Variants in PSD3 observed in about 807,000 individuals in gnomAD.
PSD3 encodes the protein pleckstrin and Sec7 domain containing 3, also known as PH and SEC7 domain-containing protein 3.
Under a neutral mutation model 105.5 loss-of-function variants are expected in PSD3, and 49 were observed. The ratio of observed to expected loss-of-function variants is 0.46; its 90% CI spans 0.37 to 0.59. The LOEUF (loss-of-function observed/expected upper bound fraction) is 0.59. Among genes scored for constraint, PSD3 ranks in the 20% least tolerant of loss-of-function variants. The pLI is 0.00. For missense variants in PSD3, 1,561 were observed against 1,263.8 expected (o/e 1.24, Z -3.57); for synonymous variants, 557 against 457.8 (o/e 1.22, Z -2.77).
At chr8:18,839,322 CTA>C (rs1563331609) in intron 4 of PSD3, among the ~76,000 whole-genome samples, 2 of 152,120 alleles carry the variant, frequency 1.3e-5, no homozygotes, top group African/African-American at 4.8e-5. Flanking sequence ...CTGAATGTTT[CTA>C]TGTTTTTATA....
At chr8:18,727,255 T>C (rs569474243) in intron 9 of PSD3, among the ~76,000 whole-genome samples, 18 of 147,502 alleles carry the variant, frequency 1.2e-4, no homozygotes, top group Admixed American at 4.2e-4. Context: ...GAGAATCGAT[T>C]GAACCTGGGA....
chr8:18,619,395 A>T (rs1805942367), intron 11 of PSD3, among the ~76,000 whole-genome samples: 1 of 152,160 alleles, frequency 6.6e-6, no homozygotes, highest in South Asian at 2.1e-4. Context: ...CTGTAATCCC[A>T]GCATTTTGGG....
At chr8:18,639,658 C>A (rs1807501605) in intron 10 of PSD3, among the ~76,000 whole-genome samples, 1 of 152,030 alleles carries the variant, frequency 6.6e-6, no homozygotes, top group Non-Finnish European at 1.5e-5. Flanking sequence ...GAGGAGACTC[C>A]CGGTCATGGC....
intron 1 of PSD3, among the ~76,000 whole-genome samples, chr8:19,047,716 A>G (rs1306155916): frequency 2.6e-5 from 4 of 152,090 alleles, no homozygotes; most frequent in African/African-American, 9.7e-5. Context: ...GATGTGTTGA[A>G]TGATGTCAAT....
intron 1 of PSD3, among the ~76,000 whole-genome samples, chr8:18,940,623 T>A (rs1220295521): frequency 6.6e-6 from 1 of 152,214 alleles, no homozygotes; most frequent in Non-Finnish European, 1.5e-5. Context: ...GAAACTAACA[T>A]GCCATGTTGA....
chr8:19,076,648 G>A (rs1457192416), intron 1 of PSD3, among the ~76,000 whole-genome samples: 2 of 152,136 alleles, frequency 1.3e-5, no homozygotes. Flanking sequence ...AATATGAAAT[G>A]CTCATTAGAA....
At chr8:18,546,637 G>T (rs1800466715) in intron 15 of PSD3, among the ~76,000 whole-genome samples, 1 of 152,072 alleles carries the variant, frequency 6.6e-6, no homozygotes, top group African/African-American at 2.4e-5. Flanking sequence ...TCATTATGTT[G>T]AGAATATTTA....
chr8:18,623,448 C>T (rs866499146), intron 11 of PSD3, among the ~76,000 whole-genome samples: 2 of 67,492 alleles, frequency 3.0e-5, no homozygotes, highest in Non-Finnish European at 5.6e-5. Context: ...CCCGTCTCCC[C>T]AAAAAAAAAA....
At chr8:18,863,032 T>C (rs1816565965) in intron 4 of PSD3, among the ~76,000 whole-genome samples, 1 of 152,090 alleles carries the variant, frequency 6.6e-6, no homozygotes, top group Admixed American at 6.5e-5. Context: ...CCGAGCAAGA[T>C]CTGAAAGGAA....
At chr8:18,964,196 C>A (rs981363568) in intron 1 of PSD3, among the ~76,000 whole-genome samples, 1 of 152,154 alleles carries the variant, frequency 6.6e-6, no homozygotes, top group Non-Finnish European at 1.5e-5. Flanking sequence ...GTGATCATGG[C>A]TCAATGCAGC....
chr8:18,948,784 C>T (rs1317529347), intron 1 of PSD3, among the ~76,000 whole-genome samples: 1 of 152,064 alleles, frequency 6.6e-6, no homozygotes, highest in Non-Finnish European at 1.5e-5. Context: ...GAAATCCACT[C>T]TATATTTTTA....
chr8:18,836,567 A>G (rs924724709), intron 4 of PSD3, among the ~76,000 whole-genome samples: 6 of 152,140 alleles, frequency 3.9e-5, no homozygotes, highest in Non-Finnish European at 8.8e-5. Flanking sequence ...CAGTGAATAT[A>G]TACATTTGTC....
chr8:19,051,065 A>G (rs920201857), intron 1 of PSD3, among the ~76,000 whole-genome samples: 28 of 152,138 alleles, frequency 1.8e-4, no homozygotes, highest in African/African-American at 6.3e-4. Flanking sequence ...CTCAGAGTCT[A>G]TCCAAACCTC....
chr8:18,699,999 C>A lies in PSD3; in HGVS notation c.2173-44314G>T, dbSNP rs73591583. ...AAATTCTACCCCATCAGCAGTTAAT[C>A]AACAATAAAATTCCTGGGAAAAAAT... On this transcript the variant is annotated intron_variant, in intron 9 of 15. Transcript: ENST00000327040. Among the ~76,000 whole-genome samples, 997 of 152,250 alleles carry A rather than the reference C, an allele frequency of 6.5e-3. 11 individuals carry two copies. The highest frequency in any genetic ancestry group is 0.023 in the African/African-American group (954 of 41,560).
At chr8:18,690,480 T>C (rs1417221774) in intron 9 of PSD3, among the ~76,000 whole-genome samples, 1 of 152,224 alleles carries the variant, frequency 6.6e-6, no homozygotes, top group Non-Finnish European at 1.5e-5. Flanking sequence ...AATACTTTTC[T>C]AGTCTAGGGA....
intron 8 of PSD3, among the ~76,000 whole-genome samples, chr8:18,771,372 C>T (rs895184815): frequency 6.6e-6 from 1 of 152,166 alleles, no homozygotes; most frequent in Non-Finnish European, 1.5e-5. Flanking sequence ...AGGTGAAATC[C>T]AGTTTACCTG....
rs1209495739 is a variant in PSD3 at position 18,827,433 on chromosome 8, C to CA, written c.1635-22536dup. Reference sequence around the variant, plus strand: ...CTACAGGGTGCGAAGATGGGGCAGTCAGAGAGGGGCGTGGAATGCTTAGGC... The same window carrying CA: ...CTACAGGGTGCGAAGATGGGGCAGTCAAGAGAGGGGCGTGGAATGCTTAGGC... On this transcript the variant is annotated intron_variant, in intron 4 of 15. Coordinates refer to ENST00000327040, the MANE Select transcript of PSD3 (RefSeq NM_015310.4). Among the ~76,000 whole-genome samples the CA allele has an allele frequency of 2.0e-5, 3 of 152,150 alleles. No homozygotes were observed. In the East Asian group the frequency reaches 5.8e-4, roughly 29 times the overall value.
At chr8:18,614,704 C>T (rs1805528440) in intron 11 of PSD3, among the ~76,000 whole-genome samples, 1 of 152,118 alleles carries the variant, frequency 6.6e-6, no homozygotes, top group Admixed American at 6.5e-5. Flanking sequence ...TTACAGCTCA[C>T]TGCAGCCTCC....
intron 2 of PSD3, among the ~76,000 whole-genome samples, chr8:18,902,512 T>A (rs910248800): frequency 6.6e-6 from 1 of 152,228 alleles, no homozygotes; most frequent in Non-Finnish European, 1.5e-5. Context: ...AGGTCTGTTA[T>A]TACAGAGTTA....
Sources: gnomAD v4.1 joint callset for allele counts (sites outside exome capture counted in the v4.1 genomes callset) on GRCh38, gnomAD v4.1.1 for gene constraint, MANE v1.5 for transcripts, NCBI Gene and HGNC (gene_info 2026-07-23, HGNC 2026-07-21) for gene names.